Variants in SEC16B observed in about 807,000 individuals in gnomAD.
The protein encoded by SEC16B is SEC16 homolog B, endoplasmic reticulum export factor, also known as protein transport protein Sec16B.
SEC16B carries 115 observed loss-of-function variants against 141.8 expected under a neutral mutation model. The observed-to-expected ratio is 0.81, with a 90% CI of 0.70 to 0.95. The LOEUF (loss-of-function observed/expected upper bound fraction) is 0.95, where lower values mean the gene tolerates loss of function less well. Ranked by LOEUF, SEC16B falls within the 40% of genes least tolerant of loss-of-function variation. SEC16B has a pLI of 0.00. For synonymous variants in SEC16B, 493 were observed against 492.5 expected, an observed-to-expected ratio of 1.00 and a Z score of -0.01; for missense variants, 1,291 against 1,312.3, an observed-to-expected ratio of 0.98 and a Z score of 0.25.
rs377667922 is a variant in SEC16B at position 177,967,964 on chromosome 1, G to C, written c.18C>G (p.Pro6=). 3.7e-6 allele frequency: 6 copies of C among 1,606,968 alleles called. No individual in the cohort carries two copies. The African/African-American group carries it at 6.7e-5, about 18-fold the overall frequency. MELWA[P]QRLPQTRGKA... is the part of the protein sequence containing the mutation. Reference sequence around the variant, plus strand: ...TCCCTCGTGTCTGGGGCAGCCTCTGGGGAGCCCAAAGTTCCATCCTTGACT... The same window carrying C: ...TCCCTCGTGTCTGGGGCAGCCTCTGCGGAGCCCAAAGTTCCATCCTTGACT... The change falls in exon 2 of 26, where the codon CCC becomes CCG. Residue 6 remains proline (P), a synonymous_variant. Coordinates refer to ENST00000308284, the MANE Select transcript of SEC16B (RefSeq NM_033127.4).
intron 18 of SEC16B, among the ~76,000 whole-genome samples, chr1:177,938,514 C>T (rs535992423): frequency 6.6e-6 from 1 of 152,330 alleles, no homozygotes; most frequent in Non-Finnish European, 1.5e-5. Context: ...CTCTCCTTCC[C>T]TCAAAGTGCC....
chr1:177,971,975 C>G (rs952452026), upstream of SEC16B, among the ~76,000 whole-genome samples: 7 of 152,306 alleles, frequency 4.6e-5, no homozygotes, highest in African/African-American at 1.7e-4. Flanking sequence ...TTTCAGAGAA[C>G]CTGTTTAGCA....
intron 1 of SEC16B, 112 bp downstream of exon 1, chr1:177,969,772 A>G: frequency 6.6e-6 from 1 of 152,166 alleles, no homozygotes; most frequent in East Asian, 1.9e-4. Context: ...TCACACATTC[A>G]TGTAGATGAC....
intron 2 of SEC16B, among the ~76,000 whole-genome samples, chr1:177,966,833 C>G (rs964754746): frequency 6.6e-6 from 1 of 152,176 alleles, no homozygotes; most frequent in East Asian, 1.9e-4. Flanking sequence ...CCTTGGCCTC[C>G]CAAAGTGCTG....
At chr1:177,982,396 CA>C (rs749591660) in intron 1 of SEC16B, among the ~76,000 whole-genome samples, 3 of 152,072 alleles carry the variant, frequency 2.0e-5, no homozygotes, top group Admixed American at 6.6e-5. Context: ...ATAAGTAATC[CA>C]AGAGAAGGGA....
Position 177,961,731 on chromosome 1 carries a change from A to T in SEC16B, c.646T>A (p.Ser216Thr). The T allele has an allele frequency of 6.2e-7, 1 of 1,613,470 alleles. No individual in the cohort carries two copies. The highest frequency in any genetic ancestry group is 8.5e-7 in the Non-Finnish European group (1 of 1,179,774). The part of the protein sequence containing the change: ...LLAEAQKNKP[S>T]LASESNLLQQ... Reference sequence around the variant, plus strand: ...AGAAGGTTGGACTCACTAGCCAATGATGGCTGAAAGTTAAAAACAAAAACA... The same window carrying T: ...AGAAGGTTGGACTCACTAGCCAATGTTGGCTGAAAGTTAAAAACAAAAACA... Residue 216 changes from serine (S) to threonine (T), a missense_variant, in exon 6 of 26, where the codon TCA becomes ACA. By Grantham distance (58) the Ser-to-Thr change is moderately conservative (BLOSUM62 1). Coordinates refer to ENST00000308284, the MANE Select transcript of SEC16B (RefSeq NM_033127.4).
intron 3 of SEC16B, among the ~76,000 whole-genome samples, 166 bp from the exon 4 acceptor site, chr1:177,965,333 A>G (rs533775603): frequency 3.9e-5 from 6 of 152,324 alleles, no homozygotes; most frequent in Non-Finnish European, 8.8e-5. Context: ...GAAAGTCCAT[A>G]GGACGCCTCT....
At chr1:177,961,137 C>T in intron 6 of SEC16B, 198 bp from the exon 7 acceptor site, 1 of 580,672 alleles carries the variant, frequency 1.7e-6, no homozygotes, top group Non-Finnish European at 3.0e-6. Flanking sequence ...TGTCAGAATA[C>T]AATGCGTGGG....
intron 15 of SEC16B, among the ~76,000 whole-genome samples, 158 bp from the exon 16 acceptor site, chr1:177,942,198 A>G (rs1041728839): frequency 6.6e-6 from 1 of 152,236 alleles, no homozygotes. Context: ...TTATCTATGC[A>G]CGGGCACAAC....
chr1:177,929,726 G>T lies in SEC16B; in HGVS notation c.*132C>A. On this transcript the variant is annotated 3_prime_UTR_variant, in exon 26 of 26. Coordinates refer to ENST00000308284, the MANE Select transcript of SEC16B (RefSeq NM_033127.4). ...GATCCTGTCCTCTTGCCTTCTAAGT[G>T]CCCGGTGGAGGCATCGGGCTAGCAC... 3.5e-6 allele frequency: 3 copies of T among 854,950 alleles called. No individual in the cohort carries two copies. Among genetic ancestry groups the T allele is most frequent in the Non-Finnish European group, 3.8e-6 (2 of 525,714 alleles). 53.0% of individuals were successfully genotyped at this position (854,950 alleles called of 1,614,324 possible). A position where few individuals can be genotyped will look rare whatever the true frequency, so the allele number is the denominator to read the frequency against.
At position 177,951,949 on chromosome 1, in the gene SEC16B, G is replaced by A; in HGVS notation, c.1510C>T (p.Gln504Ter). ...ALNDPLQTLF[Q>*]LMSGRIPQAA... ...TGTGGAATCCTCCCCGACATGAGCT[G>A]GAAGAGGGTCTGCAGTGGGTCATTG... The change falls in exon 12 of 26, where the codon CAG becomes TAG. Residue 504 changes from glutamine (Q) to a stop codon, truncating the protein, a stop_gained. Transcript: ENST00000308284. LOFTEE classifies it high-confidence loss of function. The A allele has an allele frequency of 6.2e-7, 1 of 1,607,504 alleles. No individual in the cohort carries two copies. The highest frequency in any genetic ancestry group is 8.5e-7 in the Non-Finnish European group (1 of 1,177,312).
chr1:177,945,620 C>T lies in SEC16B; in HGVS notation c.1775+800G>A, dbSNP rs571881286. ...CCAACTCACCCACACCCTCACTGTACCATCTGAGACAAGTTATTTCATCTC... is the reference window on the plus strand; with the variant it reads ...CCAACTCACCCACACCCTCACTGTATCATCTGAGACAAGTTATTTCATCTC... On this transcript the variant is annotated intron_variant, in intron 14 of 25. Coordinates refer to ENST00000308284, the MANE Select transcript of SEC16B (RefSeq NM_033127.4). 3.5e-3 allele frequency: 538 copies of T among 152,398 alleles called. 3 individuals carry two copies. Among genetic ancestry groups the T allele is most frequent in the Non-Finnish European group, 5.7e-3 (391 of 68,078 alleles). 9.4% of individuals were successfully genotyped at this position (152,398 alleles called of 1,614,324 possible). A position where few individuals can be genotyped will look rare whatever the true frequency, so the allele number is the denominator to read the frequency against.
Position 177,944,562 on chromosome 1 carries a change from T to C in SEC16B, c.1880A>G (p.Gln627Arg), listed in dbSNP as rs1481992193. 1 of 1,612,616 alleles carries C rather than the reference T, an allele frequency of 6.2e-7. No individual in the cohort carries two copies. Among genetic ancestry groups the C allele is most frequent in the Non-Finnish European group, 8.5e-7 (1 of 1,179,060 alleles). ...GTGGCCTCATCTGGGCTCAGTTACC[T>C]GGAAAGAAGGGATGAAGGATTTGGG... ...GRPKSFIPSFQVYKLLYASRL... is the reference protein window; with the variant it reads ...GRPKSFIPSFRVYKLLYASRL... Residue 627 changes from glutamine (Q) to arginine (R), a missense_variant and splice_region_variant, in exon 15 of 26, where the codon CAG becomes CGG. This residue lies in a region of SEC16B where 605 missense variants were observed against 614.1 expected (regional missense o/e 0.99). Transcript: ENST00000308284.
At chr1:177,934,033 A>G (rs1478181224) in intron 20 of SEC16B, among the ~76,000 whole-genome samples, 1 of 151,924 alleles carries the variant, frequency 6.6e-6, no homozygotes, top group Non-Finnish European at 1.5e-5. Context: ...ACCACCAAAC[A>G]TAACTCATCT....
Position 177,960,804 on chromosome 1 carries a change from A to T in SEC16B, c.923T>A (p.Leu308Gln), listed in dbSNP as rs1317349990. 2 of 1,605,470 alleles carry T rather than the reference A, an allele frequency of 1.2e-6. No individual in the cohort carries two copies. The highest frequency in any genetic ancestry group is 2.2e-5 in the South Asian group (2 of 90,262). The change falls in exon 7 of 26, where the codon CTG becomes CAG. Residue 308 changes from leucine to glutamine, a missense_variant. Leu to Gln is a moderately radical substitution (Grantham distance 113). Transcript: ENST00000308284. ...GGTCTTCTTTACCTCCATGCTGTGC[A>T]GTTCAACAAGGGCTGCTTGCCCGTC... is the stretch of plus-strand genomic sequence containing the variant. ...PTDGQAALVE[L>Q]HSMEVILNDS...
In SEC16B at chr1:177,976,025, A is replaced by T. The variant is rs1419748017; in HGVS notation, c.-58-7986T>A. Among the ~76,000 whole-genome samples, 5 of 152,342 alleles carry T rather than the reference A, an allele frequency of 3.3e-5. No homozygotes were observed. In the Middle Eastern group the frequency reaches 0.014, roughly 415 times the overall value. Reference sequence around the variant, plus strand: ...ACAGGTGCCATAAGCTACCAGTGCCAGTCCTGGGATTGTTACTCTTACCAC... The same window carrying T: ...ACAGGTGCCATAAGCTACCAGTGCCTGTCCTGGGATTGTTACTCTTACCAC... On this transcript the variant is annotated intron_variant and NMD_transcript_variant, in intron 1 of 24. Coordinates refer to the SEC16B transcript ENST00000528461.
At chr1:177,951,373 G>A (rs1364683436) in intron 12 of SEC16B, among the ~76,000 whole-genome samples, 2 of 152,208 alleles carry the variant, frequency 1.3e-5, no homozygotes, top group African/African-American at 2.4e-5. Flanking sequence ...AAAAGATCAA[G>A]TCTCCTATAA....
chr1:177,955,120 C>CA (rs572846465), intron 10 of SEC16B, among the ~76,000 whole-genome samples: 1 of 150,070 alleles, frequency 6.7e-6, no homozygotes, highest in Non-Finnish European at 1.5e-5. Flanking sequence ...AAATCAATGA[C>CA]AAAAAAATTC....
chr1:177,972,289 C>G (rs1296444206), upstream of SEC16B, among the ~76,000 whole-genome samples: 1 of 152,196 alleles, frequency 6.6e-6, no homozygotes, highest in Non-Finnish European at 1.5e-5. Flanking sequence ...GATCTCACCA[C>G]TCCAAAGGGT....
Sources: gnomAD v4.1 joint callset for allele counts (sites outside exome capture counted in the v4.1 genomes callset) on GRCh38, gnomAD v4.1.1 for gene constraint, gnomAD v4.1.1 regional missense constraint, MANE v1.5 for transcripts, NCBI Gene and HGNC (gene_info 2026-07-23, HGNC 2026-07-21) for gene names.